PLA2G7: variants seen among roughly 807,000 people sequenced by gnomAD.
PLA2G7 encodes phospholipase A2 group VII, also known as platelet-activating factor acetylhydrolase.
A neutral mutation model predicts 49.6 loss-of-function variants in PLA2G7; 63 were observed. The ratio of observed to expected loss-of-function variants is 1.27; its 90% CI spans 1.04 to 1.57. PLA2G7 has a LOEUF of 1.57. PLA2G7 is among the 40% of genes most tolerant of loss of function. The probability of loss-of-function intolerance (pLI) is 0.00; values close to 1 mark genes in which losing one functional copy is unlikely to be tolerated. For synonymous variants in PLA2G7, 193 were observed against 169.9 expected, an observed-to-expected ratio of 1.14 and a Z score of -1.06; for missense variants, 596 against 521.2, an observed-to-expected ratio of 1.14 and a Z score of -1.40.
In PLA2G7 at chr6:46,715,910, T is replaced by C. The variant is rs547994162; in HGVS notation, c.376+474A>G. Among the ~76,000 whole-genome samples, 29 of 152,286 alleles carry C rather than the reference T, an allele frequency of 1.9e-4. No homozygotes were observed. In the South Asian group the frequency reaches 5.8e-3, roughly 30 times the overall value. ...AATACACATCAGATTGTCTTAGCGA[T>C]GGGGGTAGGTGATGGGAATGAGAGT... is the stretch of plus-strand genomic sequence containing the variant. On this transcript the variant is annotated intron_variant, in intron 4 of 11. Transcript: ENST00000274793.
chr6:46,721,643 C>A (rs1364165230), intron 2 of PLA2G7, among the ~76,000 whole-genome samples: 1 of 149,646 alleles, frequency 6.7e-6, no homozygotes, highest in Non-Finnish European at 1.5e-5. Flanking sequence ...GGATGCAGGA[C>A]CCTTGAATTT....
At chr6:46,705,452 T>G in intron 10 of PLA2G7, 151 bp from the exon 11 acceptor site, 1 of 660,020 alleles carries the variant, frequency 1.5e-6, no homozygotes, top group Non-Finnish European at 2.6e-6. Flanking sequence ...TTAGATGTGT[T>G]TCAAGGGTCA....
intron 2 of PLA2G7, among the ~76,000 whole-genome samples, chr6:46,718,297 G>T (rs1765282975): frequency 6.6e-6 from 1 of 152,220 alleles, no homozygotes; most frequent in African/African-American, 2.4e-5. Context: ...GGAATGTATT[G>T]TAATCTTTTT....
chr6:46,734,043 C>T (rs1340843672), intron 1 of PLA2G7, among the ~76,000 whole-genome samples: 1 of 152,176 alleles, frequency 6.6e-6, no homozygotes, highest in Non-Finnish European at 1.5e-5. Context: ...TCCCAAGAAC[C>T]ACAGGCATGA....
rs1764893978 is a variant in PLA2G7 at position 46,708,156 on chromosome 6, C to A, written c.875G>T (p.Gly292Val). Residue 292 changes from glycine (G) to valine (V), a missense_variant, in exon 10 of 12, where the codon GGT (glycine) becomes GTT (valine). Coordinates refer to ENST00000274793, the MANE Select transcript of PLA2G7 (RefSeq NM_005084.4). ...TLSEDQRFRC[G>V]IALDAWMFPL... Reference sequence around the variant, plus strand: ...AAACATCCATGCATCCAGGGCAATACCACATCTGTAGATATTTGTTGACAA... The same window carrying A: ...AAACATCCATGCATCCAGGGCAATAACACATCTGTAGATATTTGTTGACAA... The A allele has an allele frequency of 8.1e-6, 13 of 1,609,290 alleles. No individual in the cohort carries two copies. The highest frequency in any genetic ancestry group is 1.0e-5 in the Non-Finnish European group (12 of 1,175,934).
In PLA2G7 at chr6:46,716,419, T is replaced by C; in HGVS notation, c.341A>G (p.His114Arg). Residue 114 changes from histidine (H) to arginine (R), a missense_variant, in exon 4 of 12, where the codon CAC becomes CGC. His to Arg is a conservative substitution (Grantham distance 29). Transcript: ENST00000274793. ...CCTCAAAATGTTGCCCATAAGCCAG[T>C]GTGTTCCAAGAAATTTGCTAAGACC... ...FWGLSKFLGT[H>R]WLMGNILRLL... 8 of 1,614,072 alleles carry C rather than the reference T, an allele frequency of 5.0e-6. No homozygotes were observed. The highest frequency in any genetic ancestry group is 2.2e-5 in the South Asian group (2 of 91,074).
intron 1 of PLA2G7, among the ~76,000 whole-genome samples, chr6:46,733,195 T>C (rs1358660006): frequency 1.3e-5 from 2 of 152,190 alleles, no homozygotes; most frequent in African/African-American, 2.4e-5. Flanking sequence ...TGGTAAGTCA[T>C]ATTCATGTGC....
intron 11 of PLA2G7, 122 bp from the exon 12 acceptor site, chr6:46,704,818 T>A (rs1346309452): frequency 1.4e-6 from 1 of 697,094 alleles, no homozygotes; most frequent in Admixed American, 2.3e-5. Flanking sequence ...GTAGAGACGA[T>A]GTGCTCTGTA....
chr6:46,712,830 G>A (rs1765073462), intron 5 of PLA2G7, among the ~76,000 whole-genome samples: 2 of 152,156 alleles, frequency 1.3e-5, no homozygotes, highest in African/African-American at 4.8e-5. Flanking sequence ...GTAGTTGTAA[G>A]GTTTTGCTAA....
rs561203639 is a variant in PLA2G7 at position 46,721,239 on chromosome 6, G to A, written c.109+1544C>T. On this transcript the variant is annotated intron_variant, in intron 2 of 11. Coordinates refer to ENST00000274793, the MANE Select transcript of PLA2G7 (RefSeq NM_005084.4). Reference sequence around the variant, plus strand: ...GTATTTTTTTTTTTAATATAGACGGGGTTTCACCATGTTGGCCAGGCTGGT... The same window carrying A: ...GTATTTTTTTTTTTAATATAGACGGAGTTTCACCATGTTGGCCAGGCTGGT... Among the ~76,000 whole-genome samples, 117 of 151,798 alleles carry A rather than the reference G, an allele frequency of 7.7e-4. 1 individual carries two copies. Among genetic ancestry groups the A allele is most frequent in the Middle Eastern group, 3.4e-3 (1 of 294 alleles).
At chr6:46,705,376 G>T (rs1158473410) in intron 10 of PLA2G7, 75 bp from the exon 11 acceptor site, 11 of 1,204,052 alleles carry the variant, frequency 9.1e-6, no homozygotes, top group East Asian at 2.5e-5. Context: ...GTGTAAGAAA[G>T]GTACTGGTCT....
At chr6:46,718,339 A>G (rs1038676053) in intron 2 of PLA2G7, among the ~76,000 whole-genome samples, 1 of 152,232 alleles carries the variant, frequency 6.6e-6, no homozygotes. Flanking sequence ...ATTTAAATCT[A>G]CACATGCTTT....
At chr6:46,733,305 C>T (rs549186152) in intron 1 of PLA2G7, among the ~76,000 whole-genome samples, 31 of 152,338 alleles carry the variant, frequency 2.0e-4, no homozygotes, top group Admixed American at 6.5e-4. Context: ...GAGGACCCAG[C>T]TGTCCCAGGT....
intron 10 of PLA2G7, 119 bp downstream of exon 10, chr6:46,707,872 T>A: frequency 1.5e-6 from 1 of 655,900 alleles, no homozygotes; most frequent in East Asian, 2.8e-5. Context: ...AATTCTCTCC[T>A]TATTGAAAGT....
chr6:46,710,758 G>A (rs1490460565), intron 7 of PLA2G7, 100 bp from the exon 8 acceptor site: 6 of 862,672 alleles, frequency 7.0e-6, no homozygotes, highest in Non-Finnish European at 1.2e-5. Context: ...TCGTTGGTCA[G>A]TTATAAACTG....
At chr6:46,705,095 TAGAC>T in intron 11 of PLA2G7, 54 bp downstream of exon 11, 2 of 1,225,280 alleles carry the variant, frequency 1.6e-6, no homozygotes, top group Non-Finnish European at 2.4e-6. Flanking sequence ...TGTATTAAGA[TAGAC>T]AGCTTTGTCC....
At chr6:46,725,362 GC>G (rs1582584929) in intron 1 of PLA2G7, among the ~76,000 whole-genome samples, 1 of 151,894 alleles carries the variant, frequency 6.6e-6, no homozygotes, top group East Asian at 1.9e-4. Context: ...CTCTCGAGTA[GC>G]TGGGACTATA....
rs774841637 is a variant in PLA2G7, at chr6:46,710,639, T to A, written c.683A>T (p.Glu228Val). ...RNEQVRQRAK[E>V]CSQALSLILD... is the part of the protein sequence containing the mutation. ...AATCAGACTGAGAGCTTGGGAACAT[T>A]CTTTTGCTCTTTGCCGTACCTAATA... Residue 228 changes from glutamate (E) to valine (V), a missense_variant, in exon 8 of 12, where the codon GAA (glutamate) becomes GTA (valine). Glu to Val is a moderately radical substitution (Grantham distance 121). Transcript: ENST00000274793. The A allele has an allele frequency of 2.5e-6, 4 of 1,612,054 alleles. No individual in the cohort carries two copies. The South Asian group carries it at 4.4e-5, about 18-fold the overall frequency.
intron 1 of PLA2G7, among the ~76,000 whole-genome samples, chr6:46,730,514 A>G (rs1307778045): frequency 6.6e-6 from 1 of 152,216 alleles, no homozygotes; most frequent in Admixed American, 6.5e-5. Flanking sequence ...GGTAATTTAA[A>G]TGAATCAAAC....
Sources: allele counts gnomAD v4.1 joint callset (sites outside exome capture counted in the v4.1 genomes callset), GRCh38; gene constraint gnomAD v4.1.1; transcripts MANE v1.5; gene names NCBI Gene and HGNC (gene_info 2026-07-23, HGNC 2026-07-21).